The following CUL1 variants were observed in gnomAD, a reference collection of about 807,000 sequenced individuals.
The protein encoded by CUL1 is cullin 1.
CUL1 carries 24 observed loss-of-function variants against 118.0 expected under a neutral mutation model. The ratio of observed to expected loss-of-function variants is 0.20; its 90% CI spans 0.15 to 0.29. CUL1 has a LOEUF of 0.29. Ranked by LOEUF, CUL1 falls within the 10% of genes least tolerant of loss-of-function variation. CUL1 has a pLI of 1.00. For missense variants in CUL1, 361 were observed against 933.8 expected, an observed-to-expected ratio of 0.39 and a Z score of 7.99; for synonymous variants, 332 against 340.4, an observed-to-expected ratio of 0.98 and a Z score of 0.27.
rs1801313070 is a variant in CUL1, at chr7:148,799,304, G to A, written c.2166G>A (p.Arg722=). 1 of 1,613,984 alleles carries A rather than the reference G, an allele frequency of 6.2e-7. No homozygotes were observed. The change falls in exon 21 of 22, where the codon AGG becomes AGA. Residue 722 remains arginine (R), a synonymous_variant. Coordinates refer to ENST00000325222, the MANE Select transcript of CUL1 (RefSeq NM_003592.3). ...QAAIVRIMKM[R]KVLKHQQLLG... ...CCATCGTGAGAATCATGAAGATGAG[G>A]AAGGTTCTGAAACACCAGCAGTTAC... is the stretch of plus-strand genomic sequence containing the variant.
intron 9 of CUL1, among the ~76,000 whole-genome samples, chr7:148,781,634 C>T (rs1290053220): frequency 2.0e-5 from 3 of 152,094 alleles, no homozygotes; most frequent in African/African-American, 2.4e-5. Flanking sequence ...AATTTGGAAA[C>T]GTTATAGTCA....
chr7:148,706,547 C>G (rs1405020140), intron 1 of CUL1, among the ~76,000 whole-genome samples: 8 of 151,540 alleles, frequency 5.3e-5, no homozygotes, highest in Non-Finnish European at 1.2e-4. Context: ...ACAAGGGACT[C>G]AAAACACACA....
At chr7:148,761,461 A>C (rs916277836) in intron 7 of CUL1, among the ~76,000 whole-genome samples, 2 of 152,196 alleles carry the variant, frequency 1.3e-5, no homozygotes, top group Non-Finnish European at 2.9e-5. Flanking sequence ...CAGTGAGCCG[A>C]GATTGTGCCA....
intron 11 of CUL1, among the ~76,000 whole-genome samples, chr7:148,785,040 G>T (rs1392677590): frequency 6.6e-6 from 1 of 152,182 alleles, no homozygotes; most frequent in Non-Finnish European, 1.5e-5. Context: ...AGAGAACCAT[G>T]TACCAACTAT....
At chr7:148,721,866 A>G (rs1276535981) in intron 1 of CUL1, among the ~76,000 whole-genome samples, 1 of 151,936 alleles carries the variant, frequency 6.6e-6, no homozygotes, top group Non-Finnish European at 1.5e-5. Context: ...GGTTGTTTCC[A>G]GGTTTGTTTG....
At chr7:148,710,792 T>G (rs1220195715) in intron 1 of CUL1, among the ~76,000 whole-genome samples, 1 of 151,782 alleles carries the variant, frequency 6.6e-6, no homozygotes, top group African/African-American at 2.4e-5. Context: ...GCCTCCCAAG[T>G]AGCTAGGATT....
chr7:148,752,084 C>G (rs1799508614), intron 2 of CUL1, among the ~76,000 whole-genome samples: 2 of 152,080 alleles, frequency 1.3e-5, no homozygotes, highest in Admixed American at 1.3e-4. Flanking sequence ...GCACTCCAGT[C>G]TGGGCAACAA....
chr7:148,737,636 T>C (rs1458391208), intron 2 of CUL1, among the ~76,000 whole-genome samples: 1 of 151,606 alleles, frequency 6.6e-6, no homozygotes, highest in Non-Finnish European at 1.5e-5. Flanking sequence ...CGCCTCACTC[T>C]GTTGCCCAGG....
At position 148,760,602 on chromosome 7, in the gene CUL1, A is replaced by G. The variant is rs912740149; in HGVS notation, c.789+106A>G. 73 of 800,198 alleles carry G rather than the reference A, an allele frequency of 9.1e-5. 2 individuals are homozygous for G. The South Asian group carries it at 1.5e-3, about 17-fold the overall frequency. The allele number at this position is 800,198 out of a possible 1,614,324, so 49.6% of individuals were successfully genotyped here. A position where few individuals can be genotyped will look rare whatever the true frequency, so the allele number is the denominator to read the frequency against. ...TTTCTTTACAAGTCATTTGTTGGGC[A>G]TTGTTTTTCTAGAGTGTTTTTATCA... On this transcript the variant is annotated intron_variant, in intron 7 of 21. Transcript: ENST00000325222.
rs1800939519 is a variant in CUL1 at position 148,789,600 on chromosome 7, T to A, written c.1598-150T>A. ...AATTTTAATTGAATAAAATGTTCAA[T>A]TCTTAATTTTATATTCAAGCAGGAT... On this transcript the variant is annotated intron_variant, in intron 14 of 21. Coordinates refer to ENST00000325222, the MANE Select transcript of CUL1 (RefSeq NM_003592.3). 5.9e-6 allele frequency: 4 copies of A among 673,672 alleles called. No individual in the cohort carries two copies. In the South Asian group the frequency reaches 7.5e-5, roughly 13 times the overall value. 41.7% of individuals were successfully genotyped at this position (673,672 alleles called of 1,614,324 possible). A position where few individuals can be genotyped will look rare whatever the true frequency, so the allele number is the denominator to read the frequency against.
chr7:148,738,084 A>G (rs564160208), intron 2 of CUL1, among the ~76,000 whole-genome samples: 1 of 152,260 alleles, frequency 6.6e-6, no homozygotes, highest in South Asian at 2.1e-4. Context: ...GCTAATGAGA[A>G]TGGTTGGAGT....
At chr7:148,792,152 C>G (rs1801035152) in intron 16 of CUL1, among the ~76,000 whole-genome samples, 1 of 150,794 alleles carries the variant, frequency 6.6e-6, no homozygotes, top group South Asian at 2.1e-4. Context: ...TGCCACTGCA[C>G]TCCAGCCTGG....
intron 1 of CUL1, among the ~76,000 whole-genome samples, chr7:148,726,323 G>C (rs1798581251): frequency 6.6e-6 from 1 of 151,648 alleles, no homozygotes; most frequent in Non-Finnish European, 1.5e-5. Flanking sequence ...CTGGTATCTT[G>C]ACTTTATCTT....
rs754458910 is a variant in CUL1, at chr7:148,797,869, C to T, written c.1947+10C>T. 16 of 1,612,492 alleles carry T rather than the reference C, an allele frequency of 9.9e-6. No homozygotes were observed. In the Admixed American group the frequency reaches 1.8e-4, roughly 18 times the overall value. The stretch of plus-strand genomic sequence containing the variant: ...AAAGTCGAAGCTATTGGTAGGTTTG[C>T]GCCCTTTTATCTTACACTAGAAGAA... On this transcript the variant is annotated intron_variant, in intron 18 of 21. Transcript: ENST00000325222.
chr7:148,748,141 C>T (rs768687526), intron 2 of CUL1, among the ~76,000 whole-genome samples: 6 of 151,848 alleles, frequency 4.0e-5, no homozygotes, highest in Non-Finnish European at 8.8e-5. Context: ...GGAGGAAAAC[C>T]GGAAACATAG....
intron 1 of CUL1, among the ~76,000 whole-genome samples, chr7:148,714,816 C>T (rs1798162569): frequency 6.6e-6 from 1 of 152,200 alleles, no homozygotes; most frequent in Non-Finnish European, 1.5e-5. Context: ...AGCTGAGAGA[C>T]ATGCACAGAA....
At chr7:148,757,349 A>G (rs1190542471) in intron 4 of CUL1, among the ~76,000 whole-genome samples, 199 bp downstream of exon 4, 1 of 152,232 alleles carries the variant, frequency 6.6e-6, no homozygotes, top group Non-Finnish European at 1.5e-5. Flanking sequence ...TTGGAGTTCT[A>G]AAATACAATT....
intron 1 of CUL1, among the ~76,000 whole-genome samples, chr7:148,725,219 G>GCGCACGCGCGCACACACACA: frequency 1.4e-5 from 2 of 140,060 alleles, no homozygotes; most frequent in Admixed American, 7.1e-5. Flanking sequence ...ACACGCGCGC[G>GCGCACGCGCGCACACACACA]CTCACACACA....
chr7:148,767,092 A>C (rs1192611951), intron 8 of CUL1, among the ~76,000 whole-genome samples: 2 of 152,216 alleles, frequency 1.3e-5, no homozygotes, highest in African/African-American at 4.8e-5. Flanking sequence ...AAAAGATTGA[A>C]GTTTGGATTT....
Sources: gnomAD v4.1 joint callset for allele counts (sites outside exome capture counted in the v4.1 genomes callset) on GRCh38, gnomAD v4.1.1 for gene constraint, MANE v1.5 for transcripts, NCBI Gene and HGNC (gene_info 2026-07-23, HGNC 2026-07-21) for gene names.